NPAS3: variants seen among roughly 807,000 people sequenced by gnomAD.
NPAS3 encodes neuronal PAS domain-containing protein 3.
NPAS3 carries 14 observed loss-of-function variants against 73.1 expected under a neutral mutation model. The ratio of observed to expected loss-of-function variants is 0.19; its 90% CI spans 0.13 to 0.30. The LOEUF (loss-of-function observed/expected upper bound fraction) is 0.30, where lower values mean the gene tolerates loss of function less well. Among genes scored for constraint, NPAS3 ranks in the 10% least tolerant of loss-of-function variants. The pLI is 1.00. For missense variants in NPAS3, 1,096 were observed against 1,250.0 expected (o/e 0.88, Z 1.86); for synonymous variants, 620 against 541.5 (o/e 1.14, Z -2.01).
At chr14:33,280,400 GT>G (rs2041547331) in intron 3 of NPAS3, among the ~76,000 whole-genome samples, 1 of 152,180 alleles carries the variant, frequency 6.6e-6, no homozygotes, top group Non-Finnish European at 1.5e-5. Context: ...GTTTATTACA[GT>G]TGGTCCTAAG....
intron 1 of NPAS3, among the ~76,000 whole-genome samples, chr14:32,948,937 A>G (rs1358768475): frequency 6.6e-6 from 1 of 152,114 alleles, no homozygotes; most frequent in Non-Finnish European, 1.5e-5. Flanking sequence ...ACTCTTAGAC[A>G]ATAAAATTAT....
intron 4 of NPAS3, among the ~76,000 whole-genome samples, chr14:33,444,186 G>T (rs905259757): frequency 1.3e-5 from 2 of 152,072 alleles, no homozygotes; most frequent in Non-Finnish European, 2.9e-5. Flanking sequence ...TAAAACTCAG[G>T]GCGTGGGACT....
At chr14:33,609,207 T>TA (rs2057672730) in intron 5 of NPAS3, among the ~76,000 whole-genome samples, 1 of 152,210 alleles carries the variant, frequency 6.6e-6, no homozygotes, top group African/African-American at 2.4e-5. Context: ...TTCCTCTTTA[T>TA]AAAAAATGCT....
Position 33,683,132 on chromosome 14 carries a change from C to A in NPAS3, c.733+6747C>A, listed in dbSNP as rs2140368545. ...AATACAGCTTTTATATAAATTAATA[C>A]AGTGATATTTGCAGGGTAGCAAATG... On this transcript the variant is annotated intron_variant, in intron 6 of 11. Coordinates refer to ENST00000356141, the Ensembl canonical transcript of NPAS3. Among the ~76,000 whole-genome samples, 3 of 152,186 alleles carry A rather than the reference C, an allele frequency of 2.0e-5. 1 individual carries two copies. The South Asian group carries it at 6.2e-4, about 32-fold the overall frequency.
chr14:33,010,007 CTAA>C (rs2039134349), intron 1 of NPAS3, among the ~76,000 whole-genome samples: 1 of 152,058 alleles, frequency 6.6e-6, no homozygotes, highest in Non-Finnish European at 1.5e-5. Flanking sequence ...GAGAACAGGG[CTAA>C]TAATTGTACT....
At chr14:33,201,480 G>A (rs557727468) in intron 2 of NPAS3, among the ~76,000 whole-genome samples, 1 of 152,288 alleles carries the variant, frequency 6.6e-6, no homozygotes, top group Admixed American at 6.5e-5. Flanking sequence ...TTTGTTGCCT[G>A]ATAACTCAAA....
At chr14:32,995,932 C>T (rs911845288) in intron 1 of NPAS3, among the ~76,000 whole-genome samples, 2 of 152,100 alleles carry the variant, frequency 1.3e-5, no homozygotes, top group African/African-American at 4.8e-5. Flanking sequence ...AGCTGGGTAA[C>T]AGGCAGAACA....
At position 33,110,580 on chromosome 14, in the gene NPAS3, T is replaced by C. The variant is rs1039901153; in HGVS notation, c.140+54586T>C. Reference sequence around the variant, plus strand: ...TACTAATAATCCTTAGAATATACTTTGGGAAATGCAAGCTTAAATGGAATG... The same window carrying C: ...TACTAATAATCCTTAGAATATACTTCGGGAAATGCAAGCTTAAATGGAATG... On this transcript the variant is annotated intron_variant, in intron 2 of 11. Coordinates refer to ENST00000356141, the Ensembl canonical transcript of NPAS3. 2.0e-5 allele frequency among the ~76,000 whole-genome samples: 3 copies of C among 152,310 alleles called. No individual in the cohort carries two copies. In the East Asian group the frequency reaches 5.8e-4, roughly 29 times the overall value.
At chr14:33,668,334 ATTGT>A (rs930583555) in intron 5 of NPAS3, among the ~76,000 whole-genome samples, 6 of 152,152 alleles carry the variant, frequency 3.9e-5, no homozygotes, top group African/African-American at 1.4e-4. Flanking sequence ...TGTGCATTTT[ATTGT>A]TTATTATTAT....
At chr14:33,191,624 C>A (rs2046174442) in intron 2 of NPAS3, among the ~76,000 whole-genome samples, 1 of 152,156 alleles carries the variant, frequency 6.6e-6, no homozygotes, top group Non-Finnish European at 1.5e-5. Flanking sequence ...AAATGCCAAT[C>A]AGAACCCTGG....
intron 9 of NPAS3, among the ~76,000 whole-genome samples, chr14:33,792,550 T>C (rs1414663559): frequency 1.4e-5 from 2 of 142,968 alleles, no homozygotes; most frequent in East Asian, 4.1e-4. Context: ...TTTTCCAAAG[T>C]GACTTCCCTT....
At chr14:33,174,841 C>A (rs547795382) in intron 2 of NPAS3, among the ~76,000 whole-genome samples, 11 of 152,290 alleles carry the variant, frequency 7.2e-5, no homozygotes, top group Non-Finnish European at 1.5e-4. Context: ...GGAGAGCTAG[C>A]AGCGATGGCG....
chr14:33,554,707 AAAACTTGTCCCT>A (rs1215134257), intron 4 of NPAS3, among the ~76,000 whole-genome samples: 1 of 152,234 alleles, frequency 6.6e-6, no homozygotes, highest in Admixed American at 6.5e-5. Flanking sequence ...TTACATACTC[AAAACTTGTCCCT>A]AAAGGAGCAC....
chr14:33,768,262 G>A (rs1304767023), intron 7 of NPAS3, among the ~76,000 whole-genome samples: 2 of 152,126 alleles, frequency 1.3e-5, no homozygotes, highest in African/African-American at 4.8e-5. Flanking sequence ...TGATAAAACA[G>A]GAACAATGAA....
chr14:33,180,802 G>GAAAAAAA (rs869085160), intron 2 of NPAS3, among the ~76,000 whole-genome samples: 1 of 74,728 alleles, frequency 1.3e-5, no homozygotes, highest in African/African-American at 6.1e-5. Context: ...CTGTCTCCAA[G>GAAAAAAA]AAAAAAAAAA....
At chr14:33,019,399 T>C (rs1712734540) in intron 1 of NPAS3, among the ~76,000 whole-genome samples, 1 of 152,260 alleles carries the variant, frequency 6.6e-6, no homozygotes, top group African/African-American at 2.4e-5. Context: ...TTCATTTTTT[T>C]ACCCGCTCAT....
At chr14:33,320,860 T>C (rs2043412395) in intron 3 of NPAS3, among the ~76,000 whole-genome samples, 1 of 152,078 alleles carries the variant, frequency 6.6e-6, no homozygotes, top group African/African-American at 2.4e-5. Context: ...GTGGGATAGA[T>C]GGTTAGATGT....
At chr14:33,140,250 T>G (rs1465654790) in intron 2 of NPAS3, among the ~76,000 whole-genome samples, 1 of 152,132 alleles carries the variant, frequency 6.6e-6, no homozygotes, top group African/African-American at 2.4e-5. Context: ...AAAACAAGTT[T>G]GACACTCAGG....
intron 7 of NPAS3, among the ~76,000 whole-genome samples, chr14:33,748,492 T>C (rs923479347): frequency 6.6e-6 from 1 of 152,176 alleles, no homozygotes; most frequent in Non-Finnish European, 1.5e-5. Flanking sequence ...CTTGGTAGTT[T>C]TGAATATATT....
Sources: allele counts gnomAD v4.1 joint callset (sites outside exome capture counted in the v4.1 genomes callset), GRCh38; gene constraint gnomAD v4.1.1; transcripts MANE v1.5; gene names NCBI Gene and HGNC (gene_info 2026-07-23, HGNC 2026-07-21).